Variants in ZMYM5 observed in about 807,000 individuals in gnomAD.
ZMYM5 encodes the protein zinc finger MYM-type containing 5.
Under a neutral mutation model 61.8 loss-of-function variants are expected in ZMYM5, and 41 were observed. That is an observed-to-expected ratio of 0.66 (90% confidence interval 0.52 to 0.86). ZMYM5 has a LOEUF of 0.86. Ranked by LOEUF, ZMYM5 falls within the 40% of genes least tolerant of loss-of-function variation. ZMYM5 has a pLI of 0.00. For missense variants in ZMYM5, 706 were observed against 786.7 expected (o/e 0.90, Z 1.23); for synonymous variants, 257 against 276.4 (o/e 0.93, Z 0.70).
intron 7 of ZMYM5, among the ~76,000 whole-genome samples, chr13:19,832,672 C>T (rs1353737090): frequency 6.6e-6 from 1 of 152,076 alleles, no homozygotes; most frequent in African/African-American, 2.4e-5. Context: ...AATATTAAGA[C>T]TTAATATAGT....
chr13:19,837,347 C>A (rs1952705578), intron 6 of ZMYM5: 5 of 1,210,202 alleles, frequency 4.1e-6, no homozygotes, highest in Non-Finnish European at 5.3e-6. Flanking sequence ...GCCCTTGACC[C>A]CCAACTCTTG....
At position 19,824,825 on chromosome 13, in the gene ZMYM5, A is replaced by G. The variant is rs778406229; in HGVS notation, c.1662T>C (p.Asn554=). The G allele has an allele frequency of 7.4e-7, 1 of 1,351,374 alleles. No individual in the cohort carries two copies. Among genetic ancestry groups the G allele is most frequent in the South Asian group, 1.2e-5 (1 of 86,084 alleles). The allele number at this position is 1,351,374 out of a possible 1,614,324, so 83.7% of individuals were successfully genotyped here. Residue 554 remains asparagine (N), a synonymous_variant, in exon 8 of 8, where the codon AAT becomes AAC. Transcript: ENST00000337963. ...QVRNFNFPKD[N]TGRKFSETYY... ...AAGTTTCTGAAAACTTCCTCCCTGT[A>G]TTATCTTTTGGAAAGTTAAAATTTC... is the stretch of plus-strand genomic sequence containing the variant.
intron 2 of ZMYM5, among the ~76,000 whole-genome samples, chr13:19,858,636 C>T (rs1254338224): frequency 7.4e-6 from 1 of 134,498 alleles, no homozygotes; most frequent in Non-Finnish European, 1.6e-5. Flanking sequence ...ATACAACTAA[C>T]TTCGTTCCCT....
intron 7 of ZMYM5, among the ~76,000 whole-genome samples, chr13:19,833,055 T>C (rs911909836): frequency 1.3e-5 from 2 of 152,088 alleles, no homozygotes; most frequent in South Asian, 2.1e-4. Context: ...TTAATGTTCA[T>C]TGTGTTCTTC....
intron 4 of ZMYM5, among the ~76,000 whole-genome samples, chr13:19,844,972 T>C: frequency 6.6e-6 from 1 of 152,200 alleles, no homozygotes; most frequent in African/African-American, 2.4e-5. Context: ...GTGGGGGAAT[T>C]TTGTATTAAC....
At position 19,835,801 on chromosome 13, in the gene ZMYM5, A is replaced by G. The variant is rs181757721; in HGVS notation, c.1039-112T>C. 4.1e-5 allele frequency: 30 copies of G among 738,276 alleles called. No homozygotes were observed. The African/African-American group carries it at 4.6e-4, about 11-fold the overall frequency. The allele number at this position is 738,276 out of a possible 1,614,324, so 45.7% of individuals were successfully genotyped here. ...AGCAAAGAATCCCTAATCATATCTC[A>G]GAGGAAGATATACCCAGGGAAAAGA... On this transcript the variant is annotated intron_variant, in intron 6 of 7. Coordinates refer to ENST00000337963, the MANE Select transcript of ZMYM5 (RefSeq NM_001142684.2).
chr13:19,825,603 C>T (rs776714483), intron 7 of ZMYM5, among the ~76,000 whole-genome samples: 3 of 150,860 alleles, frequency 2.0e-5, no homozygotes, highest in Non-Finnish European at 2.9e-5. Context: ...GCTGAGATCG[C>T]GCCACTGCAC....
At chr13:19,826,345 C>A (rs1409016421) in intron 7 of ZMYM5, among the ~76,000 whole-genome samples, 1 of 151,654 alleles carries the variant, frequency 6.6e-6, no homozygotes, top group Non-Finnish European at 1.5e-5. Context: ...GTGCGAGACT[C>A]CGTCTCAAAA....
At chr13:19,859,610 T>C (rs886649079) in intron 2 of ZMYM5, among the ~76,000 whole-genome samples, 36 of 151,658 alleles carry the variant, frequency 2.4e-4, no homozygotes, top group African/African-American at 7.7e-4. Flanking sequence ...GGTTTCACCG[T>C]GTTAGCCAGG....
chr13:19,834,555 A>G (rs1435328442), intron 7 of ZMYM5, among the ~76,000 whole-genome samples: 1 of 151,242 alleles, frequency 6.6e-6, no homozygotes, highest in Non-Finnish European at 1.5e-5. Context: ...CCCAAAGTGC[A>G]GGGATTACAG....
chr13:19,851,234 C>G, intron 4 of ZMYM5, 121 bp downstream of exon 4: 1 of 961,706 alleles, frequency 1.0e-6, no homozygotes, highest in Non-Finnish European at 1.6e-6. Context: ...AACAAACAAA[C>G]AAACAAGCAA....
At chr13:19,842,751 G>C (rs951657419) in intron 4 of ZMYM5, among the ~76,000 whole-genome samples, 11 of 151,544 alleles carry the variant, frequency 7.3e-5, no homozygotes, top group Admixed American at 7.2e-4. Flanking sequence ...CCTGAGGTCA[G>C]GAGTTCGAGG....
At position 19,825,503 on chromosome 13, in the gene ZMYM5, G is replaced by A. The variant is rs77837733; in HGVS notation, c.1252-268C>T. On this transcript the variant is annotated intron_variant, in intron 7 of 7. Transcript: ENST00000337963. Reference sequence around the variant, plus strand: ...TCTACTAAAAATACAAAAATTAGCCGGGCCACAGTGGCATGCGCCTGTAAT... The same window carrying A: ...TCTACTAAAAATACAAAAATTAGCCAGGCCACAGTGGCATGCGCCTGTAAT... 6.3e-3 allele frequency among the ~76,000 whole-genome samples: 954 copies of A among 151,786 alleles called. 16 individuals are homozygous for A. The highest frequency in any genetic ancestry group is 0.021 in the African/African-American group (873 of 41,384).
intron 2 of ZMYM5, among the ~76,000 whole-genome samples, chr13:19,861,292 G>A (rs1339596760): frequency 1.3e-5 from 2 of 152,098 alleles, no homozygotes; most frequent in Non-Finnish European, 2.9e-5. Flanking sequence ...GGGACTACAG[G>A]CATGTGCCAC....
chr13:19,845,928 C>T (rs1174997985), intron 4 of ZMYM5, among the ~76,000 whole-genome samples: 1 of 152,176 alleles, frequency 6.6e-6, no homozygotes, highest in Non-Finnish European at 1.5e-5. Flanking sequence ...AACTCAGCTC[C>T]AGATCCCCTC....
chr13:19,837,288 G>A (rs1952704171), intron 6 of ZMYM5, among the ~76,000 whole-genome samples: 1 of 152,024 alleles, frequency 6.6e-6, no homozygotes, highest in Admixed American at 6.6e-5. Context: ...CAAAGTGCTG[G>A]GATTACAGAT....
At chr13:19,862,361 A>G (rs1262559272) in intron 2 of ZMYM5, 38 bp downstream of exon 2, 2 of 151,962 alleles carry the variant, frequency 1.3e-5, no homozygotes, top group African/African-American at 2.4e-5. Context: ...TAATTATATT[A>G]GACAGCAAAG....
chr13:19,825,114 C>G lies in ZMYM5; in HGVS notation c.1373G>C (p.Gly458Ala). 7.3e-7 allele frequency: 1 copy of G among 1,364,878 alleles called. No homozygotes were observed. The highest frequency in any genetic ancestry group is 9.8e-7 in the Non-Finnish European group (1 of 1,020,646). The allele number at this position is 1,364,878 out of a possible 1,614,324, so 84.5% of individuals were successfully genotyped here. Residue 458 changes from glycine (G) to alanine (A), a missense_variant, in exon 8 of 8, where the codon GGA becomes GCA. Physicochemically the swap from Gly to Ala is moderately conservative, Grantham distance 60. Transcript: ENST00000337963. ...SSNTLLKKIE[G>A]IPEKKEKTSQ... ...AGTCTTTTCCTTTTTTTCTGGGATTCCCTCTATTTTTTTCAAAAGTGTATT... is the reference window on the plus strand; with the variant it reads ...AGTCTTTTCCTTTTTTTCTGGGATTGCCTCTATTTTTTTCAAAAGTGTATT...
At chr13:19,856,646 A>G (rs555588376) in intron 2 of ZMYM5, among the ~76,000 whole-genome samples, 32 of 112,460 alleles carry the variant, frequency 2.8e-4, no homozygotes, top group African/African-American at 1.2e-3. Flanking sequence ...GTCTCAGAAG[A>G]AAAAAAAAAA....
Sources: allele counts gnomAD v4.1 joint callset (sites outside exome capture counted in the v4.1 genomes callset), GRCh38; gene constraint gnomAD v4.1.1; transcripts MANE v1.5; gene names NCBI Gene and HGNC (gene_info 2026-07-23, HGNC 2026-07-21).